The following SCYL2 variants were observed in gnomAD, a reference collection of about 807,000 sequenced individuals.
SCYL2 encodes the protein SCY1-like protein 2.
SCYL2 carries 36 observed loss-of-function variants against 100.4 expected under a neutral mutation model. That is an observed-to-expected ratio of 0.36 (90% CI 0.27 to 0.47). SCYL2 has a LOEUF of 0.47. SCYL2 is among the 20% of genes least tolerant of loss of function. The pLI is 1.00. For synonymous variants in SCYL2, 330 were observed against 359.2 expected, an observed-to-expected ratio of 0.92 and a Z score of 0.92; for missense variants, 902 against 1,083.9, an observed-to-expected ratio of 0.83 and a Z score of 2.36.
chr12:100,329,227 A>G lies in SCYL2; in HGVS notation c.1669A>G (p.Lys557Glu). 6.3e-7 allele frequency: 1 copy of G among 1,599,792 alleles called. No homozygotes were observed. Among genetic ancestry groups the G allele is most frequent in the Non-Finnish European group, 8.6e-7 (1 of 1,167,316 alleles). The change falls in exon 13 of 18, where the codon AAG becomes GAG. Residue 557 changes from lysine to glutamate, a missense_variant. Physicochemically the swap from Lys to Glu is moderately conservative, Grantham distance 56. Transcript: ENST00000360820. Reference protein sequence around the residue: ...LGIYKCTFTHKKLGITKEQLA... With the variant: ...LGIYKCTFTHEKLGITKEQLA... ...TATTTACAAATGTACTTTTACTCATAAGAAGTTGGGAATCACCAAAGAGCA... is the reference window on the plus strand; with the variant it reads ...TATTTACAAATGTACTTTTACTCATGAGAAGTTGGGAATCACCAAAGAGCA...
intron 3 of SCYL2, among the ~76,000 whole-genome samples, chr12:100,295,656 C>T (rs1034523449): frequency 4.6e-5 from 7 of 152,182 alleles, no homozygotes; most frequent in Middle Eastern, 3.4e-3. Context: ...GCAGTACAGT[C>T]CAGCTCCGGC....
intron 2 of SCYL2, among the ~76,000 whole-genome samples, chr12:100,288,760 C>T (rs1352809083): frequency 2.0e-5 from 3 of 151,484 alleles, no homozygotes; most frequent in South Asian, 2.1e-4. Flanking sequence ...TCACTTGAGA[C>T]CAGGAGGTGG....
intron 2 of SCYL2, among the ~76,000 whole-genome samples, chr12:100,289,198 G>A (rs1330885563): frequency 3.3e-5 from 5 of 152,118 alleles, no homozygotes; most frequent in Non-Finnish European, 5.9e-5. Context: ...GTTAAGATTA[G>A]GTGTTTATAT....
At position 100,339,484 on chromosome 12, in the gene SCYL2, T is replaced by C; in HGVS notation, c.*312T>C. 3.4e-6 allele frequency: 1 copy of C among 297,212 alleles called. No individual in the cohort carries two copies. Among genetic ancestry groups the C allele is most frequent in the Non-Finnish European group, 6.3e-6 (1 of 159,318 alleles). The allele number at this position is 297,212 out of a possible 1,614,324, so 18.4% of individuals were successfully genotyped here. The stretch of plus-strand genomic sequence containing the variant: ...ACATAACTTTTTAATCAAATGTTTA[T>C]TTTGGCTTGTGGATCTTGGTGTTAT... On this transcript the variant is annotated 3_prime_UTR_variant, in exon 18 of 18. Coordinates refer to ENST00000360820, the MANE Select transcript of SCYL2 (RefSeq NM_017988.6).
chr12:100,283,231 A>G lies in SCYL2; in HGVS notation c.177+84A>G, dbSNP rs1344046468. 3 of 1,204,386 alleles carry G rather than the reference A, an allele frequency of 2.5e-6. No homozygotes were observed. The African/African-American group carries it at 4.6e-5, about 18-fold the overall frequency. 74.6% of individuals were successfully genotyped at this position (1,204,386 alleles called of 1,614,324 possible). ...CATGTGTGCATTTTTATGTTAAGAA[A>G]TGCCAAAAGTTCTTTAATAGGTTCT... is the stretch of plus-strand genomic sequence containing the variant. On this transcript the variant is annotated intron_variant, in intron 2 of 17. Coordinates refer to ENST00000360820, the MANE Select transcript of SCYL2 (RefSeq NM_017988.6).
chr12:100,298,981 G>C (rs935163042), intron 4 of SCYL2, among the ~76,000 whole-genome samples: 1 of 152,158 alleles, frequency 6.6e-6, no homozygotes, highest in Non-Finnish European at 1.5e-5. Context: ...TGTAATCCCA[G>C]CACTTTGGGA....
intron 9 of SCYL2, 129 bp downstream of exon 9, chr12:100,315,863 A>C: frequency 1.4e-6 from 1 of 729,864 alleles, no homozygotes; most frequent in Non-Finnish European, 2.0e-6. Context: ...CTTTTCCATT[A>C]GTCAGAAAGC....
intron 16 of SCYL2, among the ~76,000 whole-genome samples, chr12:100,336,202 T>C (rs1047666018): frequency 3.9e-5 from 6 of 152,152 alleles, no homozygotes; most frequent in Non-Finnish European, 7.4e-5. Context: ...TGAATCCCAC[T>C]GTCTCTCTTT....
intron 1 of SCYL2, among the ~76,000 whole-genome samples, chr12:100,280,982 A>G (rs1457979728): frequency 7.9e-6 from 1 of 125,966 alleles, no homozygotes; most frequent in Admixed American, 8.0e-5. Context: ...TTCTGACTGT[A>G]TGCTTATGTG....
intron 3 of SCYL2, chr12:100,296,749 T>G (rs2096321235): frequency 6.6e-6 from 1 of 152,146 alleles, no homozygotes; most frequent in Admixed American, 6.6e-5. Flanking sequence ...GACAGTTTTT[T>G]TTTTTTTAAC....
intron 4 of SCYL2, among the ~76,000 whole-genome samples, chr12:100,309,182 G>A (rs1211050533): frequency 2.0e-5 from 3 of 151,968 alleles, no homozygotes; most frequent in Non-Finnish European, 4.4e-5. Context: ...TTCCTGCGCA[G>A]GGAGGATATA....
intron 1 of SCYL2, among the ~76,000 whole-genome samples, chr12:100,275,452 T>C (rs1261295090): frequency 6.6e-6 from 1 of 152,176 alleles, no homozygotes; most frequent in Non-Finnish European, 1.5e-5. Flanking sequence ...CACTTCAGCC[T>C]CCCAAGGTGC....
intron 3 of SCYL2, among the ~76,000 whole-genome samples, chr12:100,297,611 C>A (rs1178423373): frequency 1.3e-5 from 2 of 152,116 alleles, no homozygotes; most frequent in Non-Finnish European, 2.9e-5. Context: ...TGTGGGAAAT[C>A]CAGAAGTTCC....
intron 4 of SCYL2, among the ~76,000 whole-genome samples, chr12:100,303,573 G>T (rs2096330353): frequency 6.6e-6 from 1 of 152,194 alleles, no homozygotes; most frequent in Non-Finnish European, 1.5e-5. Context: ...GTTTGCCTGG[G>T]TATCACCAGC....
At chr12:100,287,530 TAC>T (rs1566347570) in intron 2 of SCYL2, among the ~76,000 whole-genome samples, 1 of 152,234 alleles carries the variant, frequency 6.6e-6, no homozygotes, top group Non-Finnish European at 1.5e-5. Context: ...TGACAAATAC[TAC>T]AGTCTTTTAG....
At chr12:100,329,409 A>C in intron 13 of SCYL2, 90 bp downstream of exon 13, 2 of 637,664 alleles carry the variant, frequency 3.1e-6, no homozygotes, top group Non-Finnish European at 5.6e-6. Context: ...ATTGGTTAAA[A>C]AAAAAAGGGT....
At chr12:100,316,824 A>C (rs1175546047) in intron 9 of SCYL2, among the ~76,000 whole-genome samples, 1 of 152,218 alleles carries the variant, frequency 6.6e-6, no homozygotes, top group African/African-American at 2.4e-5. Flanking sequence ...CTTTTGGGCC[A>C]GGTGCAGTGG....
In SCYL2 at chr12:100,340,460, A is replaced by G. The variant is rs1169552072; in HGVS notation, c.*1288A>G. On this transcript the variant is annotated 3_prime_UTR_variant, in exon 18 of 18. Transcript: ENST00000360820. ...CATAAAACTTTAAAACCATCTTTCA[A>G]CGAACTATATATGTATTATAGTTGC... The G allele has an allele frequency of 6.6e-6, 1 of 152,064 alleles. No homozygotes were observed. Among genetic ancestry groups the G allele is most frequent in the East Asian group, 1.9e-4 (1 of 5,198 alleles). The allele number at this position is 152,064 out of a possible 1,614,324, so 9.4% of individuals were successfully genotyped here.
intron 4 of SCYL2, among the ~76,000 whole-genome samples, chr12:100,300,764 C>A (rs1049366302): frequency 6.6e-6 from 1 of 151,996 alleles, no homozygotes; most frequent in Non-Finnish European, 1.5e-5. Context: ...TCTTTTTGTC[C>A]CTGAGTTATT....
Sources: allele counts gnomAD v4.1 joint callset (sites outside exome capture counted in the v4.1 genomes callset), GRCh38; gene constraint gnomAD v4.1.1; transcripts MANE v1.5; gene names NCBI Gene and HGNC (gene_info 2026-07-23, HGNC 2026-07-21).